IMMP2L: variants seen among roughly 807,000 people sequenced by gnomAD.
IMMP2L encodes inner mitochondrial membrane peptidase subunit 2.
A neutral mutation model predicts 19.3 loss-of-function variants in IMMP2L; 18 were observed. The ratio of observed to expected loss-of-function variants is 0.93; its 90% CI spans 0.64 to 1.38. The LOEUF is 1.38. Among genes scored for constraint, IMMP2L ranks in the 40% most tolerant of loss-of-function variants. The probability of loss-of-function intolerance (pLI) is 0.00; values close to 1 mark genes in which losing one functional copy is unlikely to be tolerated. For synonymous variants in IMMP2L, 76 were observed against 73.0 expected (o/e 1.04, Z -0.21); for missense variants, 233 against 218.2 (o/e 1.07, Z -0.43).
At chr7:110,923,954 C>T (rs191019339) in intron 4 of IMMP2L, among the ~76,000 whole-genome samples, 1 of 152,284 alleles carries the variant, frequency 6.6e-6, no homozygotes, top group African/African-American at 2.4e-5. Flanking sequence ...AATAGCCCCC[C>T]ACTGATGCAC....
chr7:110,759,446 C>T (rs548439009), intron 5 of IMMP2L, among the ~76,000 whole-genome samples: 6 of 151,866 alleles, frequency 4.0e-5, no homozygotes, highest in Admixed American at 2.0e-4. Context: ...GCATGATATG[C>T]GAGGAAAGAT....
intron 3 of IMMP2L, among the ~76,000 whole-genome samples, chr7:111,308,126 A>T (rs961813164): frequency 5.9e-5 from 9 of 151,948 alleles, no homozygotes; most frequent in African/African-American, 2.2e-4. Context: ...TATTTGCTTC[A>T]ATCAACCAAC....
intron 3 of IMMP2L, among the ~76,000 whole-genome samples, chr7:111,299,319 G>C (rs893768177): frequency 6.6e-6 from 1 of 152,040 alleles, no homozygotes; most frequent in African/African-American, 2.4e-5. Flanking sequence ...CATAGAACCG[G>C]CCAGAATACC....
At chr7:111,019,106 T>C (rs1011921916) in intron 3 of IMMP2L, among the ~76,000 whole-genome samples, 1 of 152,162 alleles carries the variant, frequency 6.6e-6, no homozygotes, top group Admixed American at 6.5e-5. Context: ...ACTATCTTTA[T>C]ATTCTGAGCA....
intron 3 of IMMP2L, among the ~76,000 whole-genome samples, chr7:111,359,115 A>C (rs958721077): frequency 6.6e-6 from 1 of 152,144 alleles, no homozygotes; most frequent in African/African-American, 2.4e-5. Context: ...TTTGGAAGGC[A>C]AGGTTAACAC....
At chr7:110,808,704 C>G (rs1198004877) in intron 5 of IMMP2L, among the ~76,000 whole-genome samples, 1 of 152,052 alleles carries the variant, frequency 6.6e-6, no homozygotes, top group Non-Finnish European at 1.5e-5. Flanking sequence ...TGAGTGTTAG[C>G]TTAAATGCTC....
Position 111,496,897 on chromosome 7 carries a change from C to CATAGATAGATAGATAGATAG in IMMP2L, c.136-9576_136-9557dup, listed in dbSNP as rs367671688. Among the ~76,000 whole-genome samples, 141 of 151,562 alleles carry CATAGATAGATAGATAGATAG rather than the reference C, an allele frequency of 9.3e-4. 1 individual carries two copies. Among genetic ancestry groups the CATAGATAGATAGATAGATAG allele is most frequent in the African/African-American group, 2.5e-3 (105 of 41,258 alleles). ...ATAAATTCCCTCTCATAGATAGATA[C>CATAGATAGATAGATAGATAG]ATAGATAGATAGATAGATAGATAGA... On this transcript the variant is annotated intron_variant, in intron 2 of 5. Coordinates refer to ENST00000405709, the MANE Select transcript of IMMP2L (RefSeq NM_032549.4).
chr7:111,120,230 T>C (rs541947257), intron 3 of IMMP2L, among the ~76,000 whole-genome samples: 50 of 152,206 alleles, frequency 3.3e-4, no homozygotes, highest in African/African-American at 8.9e-4. Context: ...ATGCTGCTAA[T>C]AGAGACATAT....
intron 3 of IMMP2L, among the ~76,000 whole-genome samples, chr7:110,997,800 G>T (rs1004372043): frequency 6.6e-6 from 1 of 151,886 alleles, no homozygotes; most frequent in African/African-American, 2.4e-5. Context: ...CTTTCTCCCA[G>T]TCTGCAGCTT....
chr7:111,096,476 A>T (rs1797407742), intron 3 of IMMP2L, among the ~76,000 whole-genome samples: 1 of 150,826 alleles, frequency 6.6e-6, no homozygotes, highest in Non-Finnish European at 1.5e-5. Flanking sequence ...TCTTAATTTA[A>T]ATCACAGCTA....
At chr7:110,790,323 A>G (rs1369667622) in intron 5 of IMMP2L, among the ~76,000 whole-genome samples, 1 of 151,730 alleles carries the variant, frequency 6.6e-6, no homozygotes, top group Non-Finnish European at 1.5e-5. Flanking sequence ...GGCTAAGGCA[A>G]AGACTGATGG....
intron 5 of IMMP2L, among the ~76,000 whole-genome samples, chr7:110,732,998 G>T (rs1297035323): frequency 1.3e-5 from 2 of 152,016 alleles, no homozygotes. Flanking sequence ...ATGATTCCCA[G>T]GCTGATCTCA....
rs567709171 is a variant in IMMP2L at position 111,293,033 on chromosome 7, T to A, written c.239+194205A>T. Among the ~76,000 whole-genome samples the A allele has an allele frequency of 1.1e-4, 17 of 152,092 alleles. No homozygotes were observed. In the South Asian group the frequency reaches 3.1e-3, roughly 28 times the overall value. On this transcript the variant is annotated intron_variant, in intron 3 of 5. Transcript: ENST00000405709. ...ACTCTTAGCATATACCTCACCATCCTGCTTTTCAGTCAGAGCAGCAGCAAG... is the reference window on the plus strand; with the variant it reads ...ACTCTTAGCATATACCTCACCATCCAGCTTTTCAGTCAGAGCAGCAGCAAG...
chr7:110,830,277 C>T (rs577654232), intron 5 of IMMP2L, among the ~76,000 whole-genome samples: 1 of 152,204 alleles, frequency 6.6e-6, no homozygotes. Flanking sequence ...AATAGTGAGG[C>T]TCCTTCACTT....
At chr7:111,071,390 G>A (rs1055632234) in intron 3 of IMMP2L, among the ~76,000 whole-genome samples, 1 of 151,986 alleles carries the variant, frequency 6.6e-6, no homozygotes, top group Non-Finnish European at 1.5e-5. Context: ...TCCTAGGTAC[G>A]TATACCCTGA....
intron 3 of IMMP2L, among the ~76,000 whole-genome samples, chr7:111,421,069 T>C (rs1835470000): frequency 6.6e-6 from 1 of 151,724 alleles, no homozygotes. Flanking sequence ...CCAGCATCTG[T>C]TGTTCCCTGA....
intron 5 of IMMP2L, among the ~76,000 whole-genome samples, chr7:110,706,611 G>A (rs1167191941): frequency 1.3e-5 from 2 of 152,126 alleles, no homozygotes; most frequent in African/African-American, 2.4e-5. Context: ...GACTGGTGAT[G>A]CTGAGCATTT....
At chr7:111,124,650 C>T (rs1801075706) in intron 3 of IMMP2L, 1 of 1,613,706 alleles carries the variant, frequency 6.2e-7, no homozygotes, top group South Asian at 1.1e-5. Flanking sequence ...AGAATAATAC[C>T]ACAACACTTA....
chr7:110,958,511 T>G (rs1472616192), intron 4 of IMMP2L, among the ~76,000 whole-genome samples: 1 of 152,046 alleles, frequency 6.6e-6, no homozygotes, highest in African/African-American at 2.4e-5. Context: ...GATCACAGTT[T>G]TATTGAAATG....
Sources: gnomAD v4.1 joint callset for allele counts (sites outside exome capture counted in the v4.1 genomes callset) on GRCh38, gnomAD v4.1.1 for gene constraint, MANE v1.5 for transcripts, NCBI Gene and HGNC (gene_info 2026-07-23, HGNC 2026-07-21) for gene names.